The following ACACB variants were observed in gnomAD, a reference collection of about 807,000 sequenced individuals.
ACACB encodes the protein acetyl-CoA carboxylase 2.
ACACB carries 209 observed loss-of-function variants against 278.8 expected under a neutral mutation model. The ratio of observed to expected loss-of-function variants is 0.75; its 90% confidence interval spans 0.67 to 0.84. The LOEUF is 0.84. ACACB is among the 40% of genes least tolerant of loss of function. ACACB has a pLI of 0.00. For missense variants in ACACB, 2,850 were observed against 3,269.0 expected, an observed-to-expected ratio of 0.87 and a Z score of 3.13; for synonymous variants, 1,174 against 1,285.6, an observed-to-expected ratio of 0.91 and a Z score of 1.86.
chr12:109,212,748 G>A, intron 21 of ACACB, 88 bp from the exon 22 acceptor site: 1 of 1,080,852 alleles, frequency 9.3e-7, no homozygotes, highest in Non-Finnish European at 1.4e-6. Flanking sequence ...TGCTCGTTTG[G>A]GTACTGGTTT....
At chr12:109,249,844 C>A in intron 40 of ACACB, 140 bp from the exon 41 acceptor site, 1 of 1,121,360 alleles carries the variant, frequency 8.9e-7, no homozygotes, top group South Asian at 1.7e-5. Flanking sequence ...TTCTAGATGC[C>A]AATTTCATTT....
Position 109,191,661 on chromosome 12 carries a change from G to A in ACACB, c.2193G>A (p.Arg731=). The A allele has an allele frequency of 1.2e-6, 2 of 1,614,190 alleles. No homozygotes were observed. The part of the protein sequence containing the change: ...LKELSIRGDF[R]TTVEYLINLL... ...AACTGTCCATCCGAGGCGACTTTAG[G>A]ACTACCGTGGAATACCTCATTAACC... Residue 731 remains arginine, a synonymous_variant, in exon 14 of 53, where the codon AGG becomes AGA. Coordinates refer to ENST00000338432, the MANE Select transcript of ACACB (RefSeq NM_001093.4).
chr12:109,264,121 G>T, intron 49 of ACACB, 111 bp from the exon 50 acceptor site: 6 of 1,266,766 alleles, frequency 4.7e-6, no homozygotes, highest in Non-Finnish European at 6.6e-6. Flanking sequence ...ACAAGGCAAG[G>T]CCTGTCCTGC....
At chr12:109,234,249 C>T (rs1424686336) in intron 31 of ACACB, among the ~76,000 whole-genome samples, 3 of 152,150 alleles carry the variant, frequency 2.0e-5, no homozygotes, top group African/African-American at 7.2e-5. Context: ...CTCTCGCTCA[C>T]GGTGTTGCAA....
At chr12:109,144,955 G>T (rs1442851553) in intron 2 of ACACB, among the ~76,000 whole-genome samples, 1 of 151,716 alleles carries the variant, frequency 6.6e-6, no homozygotes, top group African/African-American at 2.4e-5. Context: ...TAGAGATGGG[G>T]TTTCACCATA....
At chr12:109,152,651 T>C (rs1162380867) in intron 2 of ACACB, among the ~76,000 whole-genome samples, 3 of 143,146 alleles carry the variant, frequency 2.1e-5, no homozygotes, top group South Asian at 2.3e-4. Flanking sequence ...TTTTTTTTTT[T>C]TTTTTTTTTT....
chr12:109,152,640 C>CTTTTTTTTTTT (rs34863094), intron 2 of ACACB, among the ~76,000 whole-genome samples: 46 of 74,858 alleles, frequency 6.1e-4, no homozygotes, highest in Non-Finnish European at 9.1e-4. Context: ...TTCTTTCTTT[C>CTTTTTTTTTTT]TTTTTTTTTT....
intron 48 of ACACB, among the ~76,000 whole-genome samples, chr12:109,261,072 C>T (rs144781791): frequency 1.3e-3 from 201 of 152,230 alleles, no homozygotes; most frequent in African/African-American, 3.5e-3. Flanking sequence ...CGGTTCTTCG[C>T]GGGAGAGGTA....
intron 19 of ACACB, among the ~76,000 whole-genome samples, chr12:109,204,863 T>C (rs1198493429): frequency 6.6e-6 from 1 of 152,106 alleles, no homozygotes; most frequent in East Asian, 1.9e-4. Context: ...CTCTCTTTTT[T>C]TGAGACAGAG....
chr12:109,264,107 TC>T (rs2047448761), intron 49 of ACACB, 124 bp from the exon 50 acceptor site: 10 of 1,154,200 alleles, frequency 8.7e-6, no homozygotes, highest in Non-Finnish European at 1.1e-5. Context: ...AGCTCAGACC[TC>T]TCACAAGGCA....
intron 28 of ACACB, 64 bp from the exon 29 acceptor site, chr12:109,232,605 G>A: frequency 1.3e-6 from 2 of 1,571,004 alleles, no homozygotes; most frequent in Non-Finnish European, 1.7e-6. Flanking sequence ...TCAGGAGTAG[G>A]AGCAGCTCGT....
chr12:109,248,465 A>G (rs1399494495), intron 40 of ACACB, among the ~76,000 whole-genome samples: 2 of 152,238 alleles, frequency 1.3e-5, no homozygotes, highest in African/African-American at 4.8e-5. Context: ...AGGGAAGCCA[A>G]TAGTGCAGCC....
rs1356686821 is a variant in ACACB at position 109,139,941 on chromosome 12, CTG to C, written c.538_539del (p.Val180CysfsTer6). On this transcript the variant is annotated frameshift_variant, in exon 2 of 53. Transcript: ENST00000338432. LOFTEE classifies it high-confidence loss of function. The stretch of plus-strand genomic sequence containing the variant: ...GATGACTACTCCTCCGACGAGGACT[CTG>C]TTGCTGGCTCATCTCGTGAGTCTAC... 6.2e-7 allele frequency: 1 copy of C among 1,614,034 alleles called. No individual in the cohort carries two copies. The highest frequency in any genetic ancestry group is 1.3e-5 in the African/African-American group (1 of 74,944).
chr12:109,235,093 C>T (rs1363032837), intron 31 of ACACB, among the ~76,000 whole-genome samples: 2 of 152,192 alleles, frequency 1.3e-5, no homozygotes, highest in Non-Finnish European at 2.9e-5. Flanking sequence ...CCTCTCCCCA[C>T]CACAGCCCTA....
At chr12:109,223,334 C>G (rs1439314256) in intron 26 of ACACB, among the ~76,000 whole-genome samples, 1 of 152,152 alleles carries the variant, frequency 6.6e-6, no homozygotes, top group Non-Finnish European at 1.5e-5. Context: ...TCCCGGAGTT[C>G]TTCACCAGCT....
rs140396617 is a variant in ACACB, at chr12:109,255,610, C to T, written c.6167-530C>T. On this transcript the variant is annotated intron_variant, in intron 44 of 52. Transcript: ENST00000338432. ...TCCTGGTCAGAGCCACAGCCATTTA[C>T]GCTGTTGCATGGATTTAAGTCATCA... 3.6e-3 allele frequency among the ~76,000 whole-genome samples: 544 copies of T among 152,344 alleles called. 4 individuals carry two copies. The highest frequency in any genetic ancestry group is 0.012 in the African/African-American group (504 of 41,586).
In ACACB at chr12:109,252,050, C is replaced by T. The variant is rs2047109624; in HGVS notation, c.5795C>T (p.Thr1932Ile). The T allele has an allele frequency of 6.2e-7, 1 of 1,610,390 alleles. No homozygotes were observed. The highest frequency in any genetic ancestry group is 1.3e-5 in the African/African-American group (1 of 74,832). ...GAGGGGGTCCTCTCTCCACAGGTGA[C>T]CTGCCGAGCCATTGGGATTGGGGCC... ...YEEIVTISLV[T>I]CRAIGIGAYL... The change falls in exon 42 of 53, where the codon ACC (threonine) becomes ATC (isoleucine). Residue 1932 changes from threonine (T) to isoleucine (I), a missense_variant. Around this residue, in one of 3 missense-constraint regions of ACACB, gnomAD observed 6 missense variants for 23.0 expected, o/e 0.26. Transcript: ENST00000338432.
intron 40 of ACACB, 169 bp from the exon 41 acceptor site, chr12:109,249,815 T>C (rs2047045998): frequency 1.4e-6 from 1 of 716,298 alleles, no homozygotes. Context: ...TTTAGAAATC[T>C]TAGCACTCAT....
chr12:109,246,977 T>A (rs1195769838), intron 39 of ACACB, among the ~76,000 whole-genome samples: 1 of 151,958 alleles, frequency 6.6e-6, no homozygotes, highest in African/African-American at 2.4e-5. Context: ...ACTTGGGAAG[T>A]TGAAGTGGGA....
Sources: allele counts gnomAD v4.1 joint callset (sites outside exome capture counted in the v4.1 genomes callset), GRCh38; gene constraint gnomAD v4.1.1; regional missense constraint gnomAD v4.1.1; transcripts MANE v1.5; gene names NCBI Gene and HGNC (gene_info 2026-07-23, HGNC 2026-07-21).